ACTA2: variants seen among roughly 807,000 people sequenced by gnomAD.
ACTA2 encodes the protein actin alpha 2, smooth muscle.
In ACTA2, 12 loss-of-function variants were observed where a neutral mutation model predicts 39.5. That is an observed-to-expected ratio of 0.30 (90% CI 0.19 to 0.49). The LOEUF is 0.49. Ranked by LOEUF, ACTA2 falls within the 20% of genes least tolerant of loss-of-function variation. The pLI, the probability that ACTA2 is intolerant of heterozygous loss-of-function variation, is 0.99. For synonymous variants in ACTA2, 158 were observed against 180.6 expected, an observed-to-expected ratio of 0.88 and a Z score of 1.00; for missense variants, 236 against 498.8, an observed-to-expected ratio of 0.47 and a Z score of 5.02.
chr10:88,947,150 T>C, intron 3 of ACTA2, 108 bp downstream of exon 3: 2 of 1,476,048 alleles, frequency 1.4e-6, no homozygotes, highest in East Asian at 4.6e-5. Context: ...AAAAGTACAG[T>C]TGAGCAATGT....
At chr10:88,963,189 C>T (rs1216962858) in intron 1 of ACTA2, among the ~76,000 whole-genome samples, 1 of 151,266 alleles carries the variant, frequency 6.6e-6, no homozygotes, top group Non-Finnish European at 1.5e-5. Context: ...CACAGCCAAA[C>T]CATATCAGTA....
rs1457469311 is a variant in ACTA2, at chr10:88,941,211, A to G, written c.616+18T>C. 1.2e-6 allele frequency: 2 copies of G among 1,613,312 alleles called. No homozygotes were observed. Among genetic ancestry groups the G allele is most frequent in the Non-Finnish European group, 1.7e-6 (2 of 1,179,674 alleles). On this transcript the variant is annotated intron_variant, in intron 6 of 8. Transcript: ENST00000224784. ...AACACACTGCTCCCCTCTCCCCCTT[A>G]TCTCCCACAGGCCTCACCAGTAGTA...
chr10:88,954,905 G>A (rs1447738236), upstream of ACTA2, among the ~76,000 whole-genome samples: 1 of 151,454 alleles, frequency 6.6e-6, no homozygotes, highest in African/African-American at 2.4e-5. Flanking sequence ...CACTGCATGG[G>A]TATGAGTGTG....
rs1845905854 is a variant in ACTA2 at position 88,944,154 on chromosome 10, T to C, written c.259-247A>G. Among the ~76,000 whole-genome samples the C allele has an allele frequency of 2.0e-5, 3 of 152,154 alleles. No homozygotes were observed. The South Asian group carries it at 6.2e-4, about 32-fold the overall frequency. ...AACCCAGATCTGTGAGGCAGGATGGTATGGCAGTTAAGGGCACAACCCTTG... is the reference window on the plus strand; with the variant it reads ...AACCCAGATCTGTGAGGCAGGATGGCATGGCAGTTAAGGGCACAACCCTTG... On this transcript the variant is annotated intron_variant, in intron 3 of 8. Transcript: ENST00000224784.
intron 1 of ACTA2, among the ~76,000 whole-genome samples, chr10:88,978,835 A>C (rs1846637734): frequency 6.6e-6 from 1 of 152,120 alleles, no homozygotes. Flanking sequence ...TGACACCTGA[A>C]GCTATTAGAA....
intron 1 of ACTA2, among the ~76,000 whole-genome samples, chr10:88,978,211 G>A (rs1846618166): frequency 7.7e-6 from 1 of 130,108 alleles, no homozygotes; most frequent in Non-Finnish European, 1.6e-5. Flanking sequence ...AGATCACATG[G>A]ACACTGGAAG....
chr10:88,946,281 T>TTA (rs1006072982), intron 3 of ACTA2, among the ~76,000 whole-genome samples: 4 of 151,014 alleles, frequency 2.6e-5, no homozygotes, highest in African/African-American at 9.7e-5. Flanking sequence ...AAACCTTTTT[T>TTA]TTTTTTTTTT....
intron 2 of ACTA2, 181 bp downstream of exon 2, chr10:88,948,621 G>C (rs1264352332): frequency 5.2e-6 from 4 of 766,388 alleles, no homozygotes; most frequent in Non-Finnish European, 8.7e-6. Context: ...ATGCCCATCA[G>C]ATAATCTGTC....
Position 88,941,262 on chromosome 10 carries a change from G to A in ACTA2, c.583C>T (p.Leu195=). Residue 195 remains leucine (L), a synonymous_variant, in exon 6 of 9, where the codon CTG becomes TTG. Coordinates refer to ENST00000224784, the MANE Select transcript of ACTA2 (RefSeq NM_001613.4). ...ACGAAGGAATAGCCACGCTCAGTCA[G>A]GATCTTCATGAGGTAGTCAGTGAGA... ...RDLTDYLMKI[L]TERGYSFVTT... 2 of 1,613,998 alleles carry A rather than the reference G, an allele frequency of 1.2e-6. No homozygotes were observed. Among genetic ancestry groups the A allele is most frequent in the Admixed American group, 3.3e-5 (2 of 60,024 alleles).
intron 1 of ACTA2, chr10:88,973,103 T>C: frequency 7.0e-7 from 1 of 1,437,766 alleles, no homozygotes; most frequent in Non-Finnish European, 9.3e-7. Flanking sequence ...AACTTCTATG[T>C]TTTATTTTTC....
rs778257647 is a variant in ACTA2, at chr10:88,935,270, C to G, written c.1087G>C (p.Glu363Gln). 26 of 1,613,940 alleles carry G rather than the reference C, an allele frequency of 1.6e-5. No individual in the cohort carries two copies. The South Asian group carries it at 2.9e-4, about 18-fold the overall frequency. ...TFQQMWISKQ[E>Q]YDEAGPSIVH... The stretch of plus-strand genomic sequence containing the variant: ...ATGGAAGGCCCGGCTTCATCGTATT[C>G]CTGTTTGCTGATCCACATCTGCTGG... Residue 363 changes from glutamate (E) to glutamine (Q), a missense_variant, in exon 9 of 9, where the codon GAA (glutamate) becomes CAA (glutamine). Glu to Gln is a conservative substitution (Grantham distance 29). Coordinates refer to ENST00000224784, the MANE Select transcript of ACTA2 (RefSeq NM_001613.4).
At chr10:88,970,133 C>G (rs1846399271) in intron 1 of ACTA2, among the ~76,000 whole-genome samples, 1 of 152,118 alleles carries the variant, frequency 6.6e-6, no homozygotes, top group African/African-American at 2.4e-5. Context: ...TGTTAAAATT[C>G]AGGATATGAT....
At chr10:88,981,931 A>G (rs1846722731) in intron 1 of ACTA2, among the ~76,000 whole-genome samples, 1 of 152,214 alleles carries the variant, frequency 6.6e-6, no homozygotes. Flanking sequence ...TTGACACATG[A>G]ACTTGATCGA....
chr10:88,942,040 G>A lies in ACTA2; in HGVS notation c.370-171C>T, dbSNP rs190186807. Among the ~76,000 whole-genome samples the A allele has an allele frequency of 8.3e-4, 127 of 152,240 alleles. 1 individual carries two copies. The Middle Eastern group carries it at 0.031, about 37-fold the overall frequency. Reference sequence around the variant, plus strand: ...GGTCACGTTAAAGAGGAGAAATGAAGGTGTGAATGGGGAGCCATCACATCA... The same window carrying A: ...GGTCACGTTAAAGAGGAGAAATGAAAGTGTGAATGGGGAGCCATCACATCA... On this transcript the variant is annotated intron_variant, in intron 4 of 8. Coordinates refer to ENST00000224784, the MANE Select transcript of ACTA2 (RefSeq NM_001613.4).
At position 88,990,962 on chromosome 10, in the gene ACTA2, C is replaced by G; in HGVS notation, c.-47G>C. The G allele has an allele frequency of 6.2e-7, 1 of 1,611,938 alleles. No homozygotes were observed. ...ACCCCGTCTTAGTCCCGGGGATAGG[C>G]AAAGTGGGGCGGGCGCGGGACGCGT... On this transcript the variant is annotated 5_prime_UTR_variant, in exon 1 of 5. Coordinates refer to the ACTA2 transcript ENST00000415557. This position sits in a 1 kb window ranked among gnomAD's most constrained non-coding sequence, Gnocchi z 4.9.
intron 1 of ACTA2, among the ~76,000 whole-genome samples, chr10:88,982,659 A>G (rs1846739713): frequency 6.6e-6 from 1 of 152,086 alleles, no homozygotes; most frequent in Non-Finnish European, 1.5e-5. Flanking sequence ...AAATGAACTA[A>G]GTTTTTTTTT....
intron 1 of ACTA2, among the ~76,000 whole-genome samples, chr10:88,988,025 T>A (rs1174136682): frequency 6.6e-6 from 1 of 152,186 alleles, no homozygotes. Flanking sequence ...GAACTATAAC[T>A]TTTTCATGGG....
At chr10:88,963,326 C>T (rs1410272220) in intron 1 of ACTA2, among the ~76,000 whole-genome samples, 1 of 151,922 alleles carries the variant, frequency 6.6e-6, no homozygotes, top group East Asian at 1.9e-4. Flanking sequence ...GGGAATGGAA[C>T]TTACATTTAT....
At chr10:88,984,916 C>G (rs1846831728) in intron 1 of ACTA2, among the ~76,000 whole-genome samples, 1 of 152,032 alleles carries the variant, frequency 6.6e-6, no homozygotes, top group Admixed American at 6.5e-5. Flanking sequence ...ATGGAGAAGC[C>G]AAGATGTTAG....
Sources: gnomAD v4.1 joint callset for allele counts (sites outside exome capture counted in the v4.1 genomes callset) on GRCh38, gnomAD v4.1.1 for gene constraint, Gnocchi (gnomAD v3.1) non-coding constraint, MANE v1.5 for transcripts, NCBI Gene and HGNC (gene_info 2026-07-23, HGNC 2026-07-21) for gene names.